SMPDL3B: variants seen among roughly 807,000 people sequenced by gnomAD.
SMPDL3B encodes sphingomyelin phosphodiesterase acid like 3B, also known as acid sphingomyelinase-like phosphodiesterase 3b.
Under a neutral mutation model 37.9 loss-of-function variants are expected in SMPDL3B, and 31 were observed. That is an observed-to-expected ratio of 0.82 (90% CI 0.61 to 1.10). The LOEUF (loss-of-function observed/expected upper bound fraction) is 1.10, where lower values mean the gene tolerates loss of function less well. SMPDL3B is among the 50% of genes least tolerant of loss of function. The pLI is 0.00. For missense variants in SMPDL3B, 525 were observed against 597.8 expected (o/e 0.88, Z 1.27); for synonymous variants, 235 against 242.6 (o/e 0.97, Z 0.29).
Position 27,943,321 on chromosome 1 carries a change from T to A in SMPDL3B, c.62-1911T>A, listed in dbSNP as rs557369505. ...TTAATCAGCCATTTACACTTTAGTA[T>A]GAATGTGTTTCACATCCTTTCCTGA... is the stretch of plus-strand genomic sequence containing the variant. On this transcript the variant is annotated intron_variant, in intron 1 of 7. Transcript: ENST00000373894. Among the ~76,000 whole-genome samples the A allele has an allele frequency of 8.5e-5, 13 of 152,330 alleles. No homozygotes were observed. In the South Asian group the frequency reaches 2.7e-3, roughly 32 times the overall value.
chr1:27,951,248 T>A (rs2090453515), intron 3 of SMPDL3B, among the ~76,000 whole-genome samples: 1 of 152,192 alleles, frequency 6.6e-6, no homozygotes, highest in South Asian at 2.1e-4. Context: ...CACACCTCAC[T>A]TTTAGAGATG....
chr1:27,942,581 C>T (rs893640087), intron 1 of SMPDL3B, among the ~76,000 whole-genome samples: 1 of 152,180 alleles, frequency 6.6e-6, no homozygotes, highest in Non-Finnish European at 1.5e-5. Context: ...TGGGTTCAAG[C>T]GATTCTCCTG....
intron 3 of SMPDL3B, among the ~76,000 whole-genome samples, chr1:27,950,720 C>T (rs1406759604): frequency 2.0e-5 from 3 of 152,168 alleles, no homozygotes; most frequent in Non-Finnish European, 4.4e-5. Context: ...ACCTCCACCC[C>T]CATGGGTTCA....
At chr1:27,956,393 C>T (rs1638281889) in intron 7 of SMPDL3B, 4 of 1,274,526 alleles carry the variant, frequency 3.1e-6, no homozygotes, top group Non-Finnish European at 4.1e-6. Context: ...TCCTATAGCA[C>T]CACTTTCATC....
At chr1:27,936,969 C>T (rs957534695) in intron 1 of SMPDL3B, among the ~76,000 whole-genome samples, 1 of 151,986 alleles carries the variant, frequency 6.6e-6, no homozygotes, top group Admixed American at 6.5e-5. Flanking sequence ...TGCAGTGAGC[C>T]GAGATTGCAC....
chr1:27,952,011 T>C (rs765523254), intron 3 of SMPDL3B, among the ~76,000 whole-genome samples: 7 of 152,154 alleles, frequency 4.6e-5, no homozygotes, highest in South Asian at 2.1e-4. Context: ...CAAATAGTTA[T>C]TGAGCATCCA....
At chr1:27,947,073 T>G (rs942954683) in intron 2 of SMPDL3B, among the ~76,000 whole-genome samples, 5 of 151,802 alleles carry the variant, frequency 3.3e-5, no homozygotes, top group Admixed American at 2.0e-4. Flanking sequence ...TTTCGCTCTT[T>G]TTGCCCAGGC....
At chr1:27,942,733 G>A (rs986190890) in intron 1 of SMPDL3B, among the ~76,000 whole-genome samples, 7 of 151,628 alleles carry the variant, frequency 4.6e-5, no homozygotes, top group Admixed American at 2.0e-4. Context: ...GCACAATCTC[G>A]GCTCACTGCA....
intron 1 of SMPDL3B, among the ~76,000 whole-genome samples, chr1:27,939,744 C>T (rs575419059): frequency 2.0e-5 from 3 of 152,220 alleles, no homozygotes; most frequent in Admixed American, 2.0e-4. Flanking sequence ...TCAGTTGAGC[C>T]CAGGAGGTTG....
chr1:27,939,993 T>C (rs2090343630), intron 1 of SMPDL3B, among the ~76,000 whole-genome samples: 1 of 152,228 alleles, frequency 6.6e-6, no homozygotes, highest in Non-Finnish European at 1.5e-5. Context: ...GATGACTTAC[T>C]TGATATTTGT....
At chr1:27,950,488 C>T (rs2090446955) in intron 3 of SMPDL3B, among the ~76,000 whole-genome samples, 1 of 152,138 alleles carries the variant, frequency 6.6e-6, no homozygotes, top group South Asian at 2.1e-4. Context: ...GAAGGTCTTG[C>T]TGTCACCCAG....
At chr1:27,943,621 C>G (rs1159261337) in intron 1 of SMPDL3B, among the ~76,000 whole-genome samples, 1 of 152,122 alleles carries the variant, frequency 6.6e-6, no homozygotes, top group Non-Finnish European at 1.5e-5. Flanking sequence ...TGAGGAAATC[C>G]TGGGCGTCAT....
chr1:27,939,609 A>G (rs892457543), intron 1 of SMPDL3B, among the ~76,000 whole-genome samples: 1 of 152,298 alleles, frequency 6.6e-6, no homozygotes, highest in African/African-American at 2.4e-5. Context: ...ACTTGAGCTC[A>G]GGAATTTGAG....
chr1:27,954,153 C>T (rs757775428), intron 4 of SMPDL3B, among the ~76,000 whole-genome samples: 4 of 152,214 alleles, frequency 2.6e-5, no homozygotes, highest in Non-Finnish European at 4.4e-5. Context: ...AGTTGCACAG[C>T]GAATGAGTTC....
Position 27,935,180 on chromosome 1 carries a change from G to A in SMPDL3B, c.-4G>A, listed in dbSNP as rs375183514. On this transcript the variant is annotated 5_prime_UTR_variant, in exon 1 of 8. Transcript: ENST00000373894. ...CCACGGCTCTGGGGAAGTGAGCCCC[G>A]AGGATGAGGCTGCTCGCCTGGCTGA... is the stretch of plus-strand genomic sequence containing the variant. The A allele has an allele frequency of 1.3e-4, 212 of 1,613,214 alleles. 1 individual carries two copies. In the African/African-American group the frequency reaches 2.3e-3, roughly 17 times the overall value.
intron 1 of SMPDL3B, among the ~76,000 whole-genome samples, chr1:27,937,008 G>A (rs2090315239): frequency 6.8e-6 from 1 of 147,104 alleles, no homozygotes; most frequent in South Asian, 2.3e-4. Flanking sequence ...GCGACAGAGT[G>A]AGGCTCCGTC....
intron 5 of SMPDL3B, 103 bp downstream of exon 5, chr1:27,954,629 A>G (rs2090483640): frequency 8.9e-7 from 1 of 1,121,942 alleles, no homozygotes; most frequent in African/African-American, 1.5e-5. Flanking sequence ...CCCATATCCC[A>G]GAGGGTCCTT....
At chr1:27,943,609 G>A (rs990173033) in intron 1 of SMPDL3B, among the ~76,000 whole-genome samples, 4 of 152,150 alleles carry the variant, frequency 2.6e-5, no homozygotes, top group Admixed American at 6.5e-5. Context: ...AATAGCAGAG[G>A]GTGAGGAAAT....
At chr1:27,948,597 T>G (rs2090429991) in intron 2 of SMPDL3B, among the ~76,000 whole-genome samples, 1 of 152,206 alleles carries the variant, frequency 6.6e-6, no homozygotes, top group Admixed American at 6.5e-5. Flanking sequence ...CAAACTCCTT[T>G]GAACTCTTCT....
Sources: allele counts gnomAD v4.1 joint callset (sites outside exome capture counted in the v4.1 genomes callset), GRCh38; gene constraint gnomAD v4.1.1; transcripts MANE v1.5; gene names NCBI Gene and HGNC (gene_info 2026-07-23, HGNC 2026-07-21).